STAG1: variants seen among roughly 807,000 people sequenced by gnomAD.
STAG1 encodes the protein STAG1 cohesin complex component, also known as cohesin subunit SA-1.
Under a neutral mutation model 170.9 loss-of-function variants are expected in STAG1, and 26 were observed. The observed-to-expected ratio is 0.15, with a 90% CI of 0.11 to 0.21. The LOEUF (loss-of-function observed/expected upper bound fraction) is 0.21. Ranked by LOEUF, STAG1 falls within the 10% of genes least tolerant of loss-of-function variation. The pLI is 1.00. For missense variants in STAG1, 964 were observed against 1,509.5 expected (o/e 0.64, Z 5.99); for synonymous variants, 514 against 497.7 (o/e 1.03, Z -0.44).
intron 13 of STAG1, among the ~76,000 whole-genome samples, chr3:136,459,209 T>G (rs1415388523): frequency 6.9e-6 from 1 of 143,914 alleles, no homozygotes; most frequent in East Asian, 2.1e-4. Flanking sequence ...AGAGCGAGAC[T>G]CTGTCTTAAA....
intron 2 of STAG1, among the ~76,000 whole-genome samples, chr3:136,629,796 G>A (rs1366791323): frequency 6.6e-6 from 1 of 152,132 alleles, no homozygotes; most frequent in Non-Finnish European, 1.5e-5. Flanking sequence ...CTAAACCATT[G>A]TTATACAGAA....
Position 136,402,280 on chromosome 3 carries a change from T to C in STAG1, c.2197-3451A>G, listed in dbSNP as rs1052257723. On this transcript the variant is annotated intron_variant, in intron 21 of 33. Transcript: ENST00000383202. ...TCACCCAGGCTGGAGTGCAATGGTG[T>C]GGTCTTGGCTCACTGCAACCTCCTC... Among the ~76,000 whole-genome samples the C allele has an allele frequency of 4.8e-4, 73 of 151,826 alleles. 1 individual carries two copies. The highest frequency in any genetic ancestry group is 5.7e-4 in the Non-Finnish European group (39 of 67,960).
intron 6 of STAG1, among the ~76,000 whole-genome samples, chr3:136,524,742 T>C (rs1047295440): frequency 6.6e-6 from 1 of 152,212 alleles, no homozygotes; most frequent in African/African-American, 2.4e-5. Context: ...TTGTCATAGA[T>C]AGCTCTTATT....
intron 23 of STAG1, among the ~76,000 whole-genome samples, chr3:136,371,400 T>G (rs1189281531): frequency 2.6e-5 from 4 of 152,220 alleles, no homozygotes; most frequent in African/African-American, 9.6e-5. Context: ...TTGCCATTGC[T>G]TTTGGTGTTT....
At chr3:136,516,805 C>T (rs1259971539) in intron 7 of STAG1, among the ~76,000 whole-genome samples, 1 of 152,210 alleles carries the variant, frequency 6.6e-6, no homozygotes, top group Non-Finnish European at 1.5e-5. Context: ...TTCTTTCCCA[C>T]TTTGCAAATA....
At chr3:136,610,026 A>T (rs539308498) in intron 3 of STAG1, among the ~76,000 whole-genome samples, 1 of 152,128 alleles carries the variant, frequency 6.6e-6, no homozygotes, top group South Asian at 2.1e-4. Flanking sequence ...GTTTTTTTAT[A>T]GCAGAATTTT....
intron 3 of STAG1, among the ~76,000 whole-genome samples, chr3:136,614,723 T>C (rs1939495236): frequency 1.3e-5 from 2 of 152,200 alleles, no homozygotes; most frequent in Non-Finnish European, 2.9e-5. Context: ...AAATACTCTA[T>C]TCCAAAGCTC....
chr3:136,492,218 C>T (rs1014593578), intron 9 of STAG1, among the ~76,000 whole-genome samples: 3 of 152,188 alleles, frequency 2.0e-5, no homozygotes, highest in Non-Finnish European at 4.4e-5. Context: ...AAGTAGGTCA[C>T]ATTCTCAACT....
In STAG1 at chr3:136,467,328, TG is replaced by T. The variant is rs1219054643; in HGVS notation, c.1206-2341del. ...GATGGAGGAAGATCTACCAAGCAAA[TG>T]GAAAACAAAAAAAGGCAGGGGTTGC... On this transcript the variant is annotated intron_variant, in intron 12 of 33. Transcript: ENST00000383202. Among the ~76,000 whole-genome samples the T allele has an allele frequency of 2.0e-5, 3 of 151,384 alleles. No homozygotes were observed. In the East Asian group the frequency reaches 5.8e-4, roughly 29 times the overall value.
chr3:136,628,732 T>C (rs190494664), intron 2 of STAG1, among the ~76,000 whole-genome samples: 110 of 152,364 alleles, frequency 7.2e-4, no homozygotes, highest in Non-Finnish European at 1.4e-3. Flanking sequence ...TATATCTAAC[T>C]TTACAAGCTT....
At chr3:136,654,121 C>A (rs535206595) in intron 1 of STAG1, among the ~76,000 whole-genome samples, 1 of 152,186 alleles carries the variant, frequency 6.6e-6, no homozygotes, top group African/African-American at 2.4e-5. Context: ...TAAAATAGTA[C>A]TGAAGTCCTA....
intron 22 of STAG1, among the ~76,000 whole-genome samples, chr3:136,389,996 T>C (rs2086967053): frequency 6.6e-6 from 1 of 151,890 alleles, no homozygotes; most frequent in African/African-American, 2.4e-5. Flanking sequence ...CACGCCCAAC[T>C]AATTTTTTCT....
intron 6 of STAG1, among the ~76,000 whole-genome samples, chr3:136,540,120 A>T (rs1304098158): frequency 6.6e-6 from 1 of 152,172 alleles, no homozygotes; most frequent in African/African-American, 2.4e-5. Flanking sequence ...GAAGAAAAAA[A>T]TGTAATAAAC....
intron 1 of STAG1, among the ~76,000 whole-genome samples, chr3:136,689,470 A>C (rs575391818): frequency 6.6e-6 from 1 of 152,378 alleles, no homozygotes; most frequent in Non-Finnish European, 1.5e-5. Context: ...GAATCAAATT[A>C]TATACTATAG....
At chr3:136,594,646 T>C (rs1938335852) in intron 4 of STAG1, among the ~76,000 whole-genome samples, 1 of 152,236 alleles carries the variant, frequency 6.6e-6, no homozygotes, top group Non-Finnish European at 1.5e-5. Context: ...ATTTGATTGG[T>C]ATAAACTATT....
At chr3:136,499,446 G>A (rs754197438) in intron 9 of STAG1, among the ~76,000 whole-genome samples, 9 of 152,146 alleles carry the variant, frequency 5.9e-5, no homozygotes, top group Non-Finnish European at 1.0e-4. Context: ...ACAGGGATGA[G>A]CGACCACATC....
intron 1 of STAG1, among the ~76,000 whole-genome samples, chr3:136,648,993 A>C (rs1941124619): frequency 1.3e-5 from 2 of 152,094 alleles, no homozygotes; most frequent in Admixed American, 1.3e-4. Flanking sequence ...AGCAAGCAAA[A>C]ATTTTAAGTT....
chr3:136,617,888 A>T (rs1467490259), intron 3 of STAG1, among the ~76,000 whole-genome samples: 1 of 152,242 alleles, frequency 6.6e-6, no homozygotes, highest in Non-Finnish European at 1.5e-5. Context: ...AACAGTCTAC[A>T]TTAAACTACC....
chr3:136,441,963 C>T (rs903392751), intron 15 of STAG1, among the ~76,000 whole-genome samples: 9 of 152,044 alleles, frequency 5.9e-5, no homozygotes, highest in African/African-American at 1.9e-4. Flanking sequence ...TATGGTAGGC[C>T]GAGGCGGGAG....
Sources: gnomAD v4.1 joint callset for allele counts (sites outside exome capture counted in the v4.1 genomes callset) on GRCh38, gnomAD v4.1.1 for gene constraint, MANE v1.5 for transcripts, NCBI Gene and HGNC (gene_info 2026-07-23, HGNC 2026-07-21) for gene names.